Variants in VAV3 observed in about 807,000 individuals in gnomAD.
The protein encoded by VAV3 is vav guanine nucleotide exchange factor 3.
In VAV3, 94 loss-of-function variants were observed where a neutral mutation model predicts 131.2. The ratio of observed to expected loss-of-function variants is 0.72; its 90% CI spans 0.61 to 0.85. The LOEUF is 0.85. Ranked by LOEUF, VAV3 falls within the 40% of genes least tolerant of loss-of-function variation. The pLI is 0.00. For synonymous variants in VAV3, 349 were observed against 342.0 expected (o/e 1.02, Z -0.22); for missense variants, 939 against 1,002.7 (o/e 0.94, Z 0.86).
At chr1:107,684,625 C>G (rs892972151) in intron 18 of VAV3, among the ~76,000 whole-genome samples, 1 of 152,156 alleles carries the variant, frequency 6.6e-6, no homozygotes, top group Admixed American at 6.5e-5. Context: ...TTGGTTTTTA[C>G]TCCAACTACT....
intron 2 of VAV3, among the ~76,000 whole-genome samples, chr1:107,787,418 A>G (rs1186370303): frequency 6.6e-6 from 1 of 152,224 alleles, no homozygotes; most frequent in Non-Finnish European, 1.5e-5. Context: ...TATGACAAGC[A>G]ACATCTGAAG....
At chr1:107,653,300 A>G (rs1414576489) in intron 19 of VAV3, among the ~76,000 whole-genome samples, 1 of 151,936 alleles carries the variant, frequency 6.6e-6, no homozygotes, top group Non-Finnish European at 1.5e-5. Context: ...ATATCTACAG[A>G]AAAATGCACA....
chr1:107,749,923 T>A lies in VAV3; in HGVS notation c.1260-329A>T, dbSNP rs575415836. Among the ~76,000 whole-genome samples the A allele has an allele frequency of 4.6e-5, 7 of 152,280 alleles. No homozygotes were observed. In the East Asian group the frequency reaches 1.4e-3, roughly 29 times the overall value. ...TTCATGAGCAATTATCTTTTTTAAT[T>A]TAAAAGCTAAAAACCTATAGAATAA... On this transcript the variant is annotated intron_variant, in intron 13 of 26. Coordinates refer to ENST00000370056, the MANE Select transcript of VAV3 (RefSeq NM_006113.5).
At chr1:107,610,405 T>G (rs893671940) in intron 21 of VAV3, among the ~76,000 whole-genome samples, 1 of 152,016 alleles carries the variant, frequency 6.6e-6, no homozygotes, top group Admixed American at 6.6e-5. Flanking sequence ...TATTATTTAT[T>G]ATCAAGGCAA....
chr1:107,780,459 C>T (rs958696745), intron 2 of VAV3, among the ~76,000 whole-genome samples: 5 of 152,146 alleles, frequency 3.3e-5, no homozygotes, highest in Admixed American at 1.3e-4. Context: ...TTGTCTCTTT[C>T]GAAGACTTAG....
intron 5 of VAV3, among the ~76,000 whole-genome samples, chr1:107,771,323 G>C (rs1198214703): frequency 6.6e-6 from 1 of 151,392 alleles, no homozygotes; most frequent in East Asian, 1.9e-4. Flanking sequence ...CGCGATCTCG[G>C]CTCACTGCAA....
intron 1 of VAV3, among the ~76,000 whole-genome samples, chr1:107,924,569 G>T (rs1266932231): frequency 1.3e-5 from 2 of 152,022 alleles, no homozygotes; most frequent in African/African-American, 4.8e-5. Context: ...AATATCTATG[G>T]CTTTAGAATT....
chr1:107,937,247 T>C (rs939666771), intron 1 of VAV3, among the ~76,000 whole-genome samples: 1 of 152,214 alleles, frequency 6.6e-6, no homozygotes, highest in African/African-American at 2.4e-5. Context: ...ACTATTGAGA[T>C]GTTACTTCTT....
At chr1:107,867,708 T>C (rs943948052) in intron 2 of VAV3, among the ~76,000 whole-genome samples, 1 of 152,084 alleles carries the variant, frequency 6.6e-6, no homozygotes. Context: ...TGAGTGGAGG[T>C]TGACTCCTGA....
At chr1:107,889,038 T>C (rs1392520974) in intron 1 of VAV3, among the ~76,000 whole-genome samples, 1 of 151,994 alleles carries the variant, frequency 6.6e-6, no homozygotes, top group Non-Finnish European at 1.5e-5. Context: ...CCATTCTTAA[T>C]GACTACAGTA....
chr1:107,740,491 T>C (rs1357610919), intron 15 of VAV3, among the ~76,000 whole-genome samples: 1 of 152,134 alleles, frequency 6.6e-6, no homozygotes, highest in Admixed American at 6.5e-5. Context: ...AGTAAAATAA[T>C]AATGACAAAT....
chr1:107,888,560 G>C (rs1048205350), intron 1 of VAV3, among the ~76,000 whole-genome samples: 1 of 152,150 alleles, frequency 6.6e-6, no homozygotes, highest in Non-Finnish European at 1.5e-5. Flanking sequence ...CCAGGTTCAT[G>C]CGATTCTCCT....
intron 20 of VAV3, among the ~76,000 whole-genome samples, chr1:107,635,634 T>A (rs977699656): frequency 2.0e-5 from 3 of 152,022 alleles, no homozygotes; most frequent in African/African-American, 7.2e-5. Context: ...ATAAATTTTT[T>A]AAAAAATCAC....
At chr1:107,713,964 C>A (rs1336920029) in intron 15 of VAV3, among the ~76,000 whole-genome samples, 1 of 151,986 alleles carries the variant, frequency 6.6e-6, no homozygotes, top group Non-Finnish European at 1.5e-5. Flanking sequence ...AACGTTTGTG[C>A]CGAATGTTCA....
intron 1 of VAV3, among the ~76,000 whole-genome samples, chr1:107,938,410 G>A (rs1392205969): frequency 6.6e-6 from 1 of 152,150 alleles, no homozygotes; most frequent in Non-Finnish European, 1.5e-5. Flanking sequence ...AGGACCACAG[G>A]GGTGGGTTTT....
chr1:107,954,129 A>T (rs1674684444), intron 1 of VAV3, among the ~76,000 whole-genome samples: 1 of 152,224 alleles, frequency 6.6e-6, no homozygotes, highest in African/African-American at 2.4e-5. Flanking sequence ...GGTCTATGTT[A>T]ACAGAGGATG....
intron 1 of VAV3, among the ~76,000 whole-genome samples, chr1:107,885,935 A>AC (rs1671011505): frequency 6.6e-6 from 1 of 152,230 alleles, no homozygotes. Context: ...CATGAACAGG[A>AC]CATGTCAATC....
At chr1:107,621,652 T>C (rs1379300122) in intron 20 of VAV3, among the ~76,000 whole-genome samples, 1 of 152,138 alleles carries the variant, frequency 6.6e-6, no homozygotes, top group Non-Finnish European at 1.5e-5. Context: ...TTTACATTAC[T>C]CTGTGGGCAT....
chr1:107,778,652 T>C lies in VAV3; in HGVS notation c.380+782A>G, dbSNP rs568629953. ...CTTGGATCCTCTCTCCCTTAGAATG[T>C]GAATGTGAGCTGGACACAGAAAAAT... On this transcript the variant is annotated intron_variant, in intron 3 of 26. Coordinates refer to ENST00000370056, the MANE Select transcript of VAV3 (RefSeq NM_006113.5). 1.4e-4 allele frequency among the ~76,000 whole-genome samples: 21 copies of C among 152,208 alleles called. No individual in the cohort carries two copies. The South Asian group carries it at 3.5e-3, about 26-fold the overall frequency.
Sources: gnomAD v4.1 joint callset for allele counts (sites outside exome capture counted in the v4.1 genomes callset) on GRCh38, gnomAD v4.1.1 for gene constraint, MANE v1.5 for transcripts, NCBI Gene and HGNC (gene_info 2026-07-23, HGNC 2026-07-21) for gene names.